The following SYMPK variants were observed in gnomAD, a reference collection of about 807,000 sequenced individuals.
The protein encoded by SYMPK is symplekin scaffold protein.
In SYMPK, 49 loss-of-function variants were observed where a neutral mutation model predicts 136.4. The ratio of observed to expected loss-of-function variants is 0.36; its 90% CI spans 0.29 to 0.46. The LOEUF is 0.46. SYMPK is among the 20% of genes least tolerant of loss of function. The pLI is 1.00. For synonymous variants in SYMPK, 766 were observed against 713.0 expected (o/e 1.07, Z -1.19); for missense variants, 1,365 against 1,690.0 (o/e 0.81, Z 3.37).
chr19:45,853,290 T>C (rs7258364), intron 3 of SYMPK, among the ~76,000 whole-genome samples: 61,552 of 152,008 alleles, frequency 0.4, 13,142 homozygotes, highest in African/African-American at 0.54. Flanking sequence ...AGCCCAAGTG[T>C]CCCATGTCGT....
chr19:45,841,714 T>A (rs1326018304), intron 9 of SYMPK, among the ~76,000 whole-genome samples: 2 of 152,124 alleles, frequency 1.3e-5, no homozygotes, highest in Non-Finnish European at 2.9e-5. Flanking sequence ...TGATAAATAA[T>A]ACAACCACTA....
chr19:45,817,186 G>T (rs766217794), intron 23 of SYMPK: 2 of 540,262 alleles, frequency 3.7e-6, no homozygotes, highest in Non-Finnish European at 6.4e-6. Context: ...GAAGGGGGTG[G>T]AAGAAAACTC....
intron 18 of SYMPK, chr19:45,824,104 G>A: frequency 2.0e-6 from 1 of 512,254 alleles, no homozygotes; most frequent in Admixed American, 3.3e-5. Flanking sequence ...GCCCTGGCTG[G>A]GCTGTCCTCC....
chr19:45,844,322 A>G (rs973717632), intron 7 of SYMPK, 122 bp from the exon 8 acceptor site: 7 of 728,762 alleles, frequency 9.6e-6, no homozygotes, highest in Admixed American at 3.3e-5. Flanking sequence ...AATGGCGGGA[A>G]AAACAGAAAA....
At chr19:45,839,714 C>T (rs1971390604) in intron 9 of SYMPK, among the ~76,000 whole-genome samples, 1 of 152,122 alleles carries the variant, frequency 6.6e-6, no homozygotes, top group South Asian at 2.1e-4. Flanking sequence ...CACCTGTAGT[C>T]CCAGCTACTC....
chr19:45,830,389 T>C, intron 12 of SYMPK, 185 bp from the exon 13 acceptor site: 1 of 673,930 alleles, frequency 1.5e-6, no homozygotes, highest in South Asian at 2.0e-5. Flanking sequence ...GAAGAGGATG[T>C]TATTTTGGTT....
At chr19:45,822,244 G>A (rs914877135) in intron 21 of SYMPK, among the ~76,000 whole-genome samples, 5 of 150,220 alleles carry the variant, frequency 3.3e-5, no homozygotes, top group Non-Finnish European at 5.9e-5. Flanking sequence ...TCAGCCTCCC[G>A]AGTAGCTGGG....
intron 5 of SYMPK, 31 bp from the exon 6 acceptor site, chr19:45,848,907 A>T (rs770703624): frequency 6.2e-7 from 1 of 1,613,406 alleles, no homozygotes; most frequent in Admixed American, 1.7e-5. Flanking sequence ...GGGCGAGGTC[A>T]AGGTGTGGTC....
intron 12 of SYMPK, chr19:45,830,493 G>A (rs1600504594): frequency 2.6e-6 from 1 of 378,224 alleles, no homozygotes; most frequent in Non-Finnish European, 5.0e-6. Context: ...CAGCTCTCCA[G>A]GCAAAGGCCC....
intron 16 of SYMPK, 34 bp from the exon 17 acceptor site, chr19:45,826,407 G>C (rs1600498796): frequency 3.1e-6 from 5 of 1,609,214 alleles, no homozygotes; most frequent in Non-Finnish European, 4.3e-6. Flanking sequence ...CAGGGTCAGG[G>C]AAGAGGTAAG....
rs762357569 is a variant in SYMPK at position 45,825,265 on chromosome 19, G to C, written c.2396C>G (p.Pro799Arg). The change falls in exon 18 of 27, where the codon CCT becomes CGT. Residue 799 changes from proline (P) to arginine (R), a missense_variant. Transcript: ENST00000245934. ...TTCGTGGATCAGCTTGTGGTTCTGA[G>C]GCAGGAGGGCCAGGTAGAGGTACAG... The part of the protein sequence containing the change: ...QCLYLYLALL[P>R]QNHKLIHELA... 1 of 1,614,160 alleles carries C rather than the reference G, an allele frequency of 6.2e-7. No individual in the cohort carries two copies. The highest frequency in any genetic ancestry group is 2.2e-5 in the East Asian group (1 of 44,882).
In SYMPK at chr19:45,816,003, G is replaced by T. The variant is rs1256158863; in HGVS notation, c.3535C>A (p.Arg1179=). The T allele has an allele frequency of 3.7e-6, 6 of 1,601,536 alleles. No homozygotes were observed. Among genetic ancestry groups the T allele is most frequent in the Non-Finnish European group, 5.1e-6 (6 of 1,174,724 alleles). Residue 1179 remains arginine, a synonymous_variant, in exon 26 of 27, where the codon CGG becomes AGG. Transcript: ENST00000245934. ...TCCTCAGACGGGGGCGGGCCTGGCC[G>T]GGCCGACGGAGAGGGAGAGGGGGAG... ...SSSPSPSPSA[R]PGPPPSEEAM... is the part of the protein sequence containing the mutation.
rs758827254 is a variant in SYMPK, at chr19:45,842,328, G to A, written c.1009C>T (p.Arg337Cys). The A allele has an allele frequency of 6.2e-6, 10 of 1,614,164 alleles. No homozygotes were observed. Among genetic ancestry groups the A allele is most frequent in the Admixed American group, 3.3e-5 (2 of 60,020 alleles). ...GTGTCCTTGCTGCTCGGCATGTTGC[G>A]GGCGATCTCGGCCTGAGGTGTGCCC... ...DLGTPQAEIA[R>C]NMPSSKDTRK... The change falls in exon 9 of 27, where the codon CGC becomes TGC. Residue 337 changes from arginine to cysteine, a missense_variant. By Grantham distance (180) the Arg-to-Cys change is radical (BLOSUM62 -3). Transcript: ENST00000245934.
At chr19:45,847,177 G>C (rs1971582837) in intron 7 of SYMPK, among the ~76,000 whole-genome samples, 1 of 152,066 alleles carries the variant, frequency 6.6e-6, no homozygotes, top group Non-Finnish European at 1.5e-5. Flanking sequence ...CCAGCACTTT[G>C]GGAGGCCAAG....
chr19:45,841,572 C>T (rs188655044), intron 9 of SYMPK, among the ~76,000 whole-genome samples: 25 of 152,164 alleles, frequency 1.6e-4, no homozygotes, highest in African/African-American at 3.6e-4. Flanking sequence ...GGATTACAGG[C>T]GTGAGCCACT....
chr19:45,850,396 G>C (rs1176706155), intron 5 of SYMPK, among the ~76,000 whole-genome samples: 1 of 152,214 alleles, frequency 6.6e-6, no homozygotes, highest in Non-Finnish European at 1.5e-5. Context: ...AGCTGCTCAA[G>C]CATTTAATAC....
At chr19:45,817,189 G>A (rs1309227579) in intron 23 of SYMPK, 3 of 537,520 alleles carry the variant, frequency 5.6e-6, no homozygotes, top group African/African-American at 2.0e-5. Context: ...GGGGGTGGAA[G>A]AAAACTCAGC....
chr19:45,844,773 T>C (rs1971521843), intron 7 of SYMPK, among the ~76,000 whole-genome samples: 1 of 152,180 alleles, frequency 6.6e-6, no homozygotes, highest in Non-Finnish European at 1.5e-5. Flanking sequence ...TCAAAGTCCC[T>C]TGTGACACCA....
intron 14 of SYMPK, 25 bp downstream of exon 14, chr19:45,828,945 G>T: frequency 6.2e-7 from 1 of 1,607,180 alleles, no homozygotes. Context: ...TCGGGGACAG[G>T]AGGGTGCAGG....
Sources: allele counts gnomAD v4.1 joint callset (sites outside exome capture counted in the v4.1 genomes callset), GRCh38; gene constraint gnomAD v4.1.1; transcripts MANE v1.5; gene names NCBI Gene and HGNC (gene_info 2026-07-23, HGNC 2026-07-21).